The following GBF1 variants were observed in gnomAD, a reference collection of about 807,000 sequenced individuals.
GBF1 encodes the protein golgi brefeldin A resistant guanine nucleotide exchange factor 1.
A neutral mutation model predicts 210.5 loss-of-function variants in GBF1; 114 were observed. The observed-to-expected ratio is 0.54, with a 90% confidence interval of 0.47 to 0.63. GBF1 has a LOEUF of 0.63. GBF1 is among the 30% of genes least tolerant of loss of function. The probability of loss-of-function intolerance (pLI) is 0.00; values close to 1 mark genes in which losing one functional copy is unlikely to be tolerated. For synonymous variants in GBF1, 850 were observed against 889.2 expected, an observed-to-expected ratio of 0.96 and a Z score of 0.78; for missense variants, 1,851 against 2,357.7, an observed-to-expected ratio of 0.79 and a Z score of 4.45.
chr10:102,350,214 C>T (rs1162179743), intron 4 of GBF1, among the ~76,000 whole-genome samples: 1 of 151,812 alleles, frequency 6.6e-6, no homozygotes, highest in Non-Finnish European at 1.5e-5. Flanking sequence ...CCAGGCGTGG[C>T]GGCGCATGCC....
rs768424104 is a variant in GBF1, at chr10:102,376,710, A to C, written c.4198A>C (p.Ile1400Leu). 6.2e-7 allele frequency: 1 copy of C among 1,613,338 alleles called. No homozygotes were observed. Among genetic ancestry groups the C allele is most frequent in the African/African-American group, 1.3e-5 (1 of 75,022 alleles). ...LLKCVESLSFIVRDAAHITPD... is the reference protein window; with the variant it reads ...LLKCVESLSFLVRDAAHITPD... Reference sequence around the variant, plus strand: ...TAAGTGTGTGGAATCGCTGTCCTTCATTGTGCGTGATGCTGCCCACATCAC... The same window carrying C: ...TAAGTGTGTGGAATCGCTGTCCTTCCTTGTGCGTGATGCTGCCCACATCAC... Residue 1400 changes from isoleucine to leucine, a missense_variant, in exon 32 of 40, where the codon ATT becomes CTT. Physicochemically the swap from Ile to Leu is conservative, Grantham distance 5 (BLOSUM62 2). This residue lies in a region of GBF1 where 967 missense variants were observed against 1,247.7 expected (regional missense o/e 0.78). Coordinates refer to ENST00000369983, the MANE Select transcript of GBF1 (RefSeq NM_001377137.1).
rs1432069784 is a variant in GBF1 at position 102,322,350 on chromosome 10, T to C, written c.164-21701T>C. Reference sequence around the variant, plus strand: ...GGCCTCCCTAACCAGGAACATGTTATGGCTTCTCCATTTAGTCAAGACTTC... The same window carrying C: ...GGCCTCCCTAACCAGGAACATGTTACGGCTTCTCCATTTAGTCAAGACTTC... On this transcript the variant is annotated intron_variant, in intron 3 of 39. Transcript: ENST00000369983. Among the ~76,000 whole-genome samples the C allele has an allele frequency of 2.6e-5, 4 of 152,360 alleles. No individual in the cohort carries two copies. The East Asian group carries it at 5.8e-4, about 22-fold the overall frequency.
chr10:102,297,344 A>G (rs1286586406), intron 3 of GBF1, among the ~76,000 whole-genome samples: 1 of 152,228 alleles, frequency 6.6e-6, no homozygotes, highest in Admixed American at 6.5e-5. Context: ...CTGTACAGTT[A>G]TCACTAGACT....
chr10:102,240,546 T>C (rs951557645), upstream of GBF1, among the ~76,000 whole-genome samples: 2 of 152,200 alleles, frequency 1.3e-5, no homozygotes, highest in Non-Finnish European at 2.9e-5. Context: ...CGCTGCTGGG[T>C]AGACGGACAT....
chr10:102,321,601 G>A (rs925746423), intron 3 of GBF1, among the ~76,000 whole-genome samples: 8 of 152,126 alleles, frequency 5.3e-5, no homozygotes, highest in African/African-American at 1.7e-4. Context: ...ACGGAGTCTC[G>A]CTCTACTACC....
chr10:102,381,254 T>C lies in GBF1; in HGVS notation c.5301T>C (p.Cys1767=), dbSNP rs1226356810. 1.2e-6 allele frequency: 2 copies of C among 1,613,542 alleles called. No individual in the cohort carries two copies. Among genetic ancestry groups the C allele is most frequent in the Non-Finnish European group, 1.7e-6 (2 of 1,179,862 alleles). ...AGATTCCATCTGAGCTGGGGGCCTGTGGTGAGTCTCTCTAGCCTAGCCTGA... is the reference window on the plus strand; with the variant it reads ...AGATTCCATCTGAGCTGGGGGCCTGCGGTGAGTCTCTCTAGCCTAGCCTGA... The part of the protein sequence containing the change: ...PPEIPSELGA[C]DFEKPESPRA... Residue 1767 remains cysteine, a splice_region_variant and synonymous_variant, in exon 39 of 40, where the codon TGT becomes TGC. Transcript: ENST00000369983.
At chr10:102,361,147 G>A in intron 13 of GBF1, 27 bp downstream of exon 13, 2 of 1,209,072 alleles carry the variant, frequency 1.7e-6, no homozygotes, top group Admixed American at 1.7e-5. Context: ...GGAAAGAAAA[G>A]GGGGAAAAAA....
chr10:102,232,426 T>C, the GBF1 span, among the ~76,000 whole-genome samples: 2 of 152,202 alleles, frequency 1.3e-5, no homozygotes, highest in African/African-American at 4.8e-5. Context: ...CTCACGCCTG[T>C]AATCCCAGCA....
chr10:102,379,372 G>A lies in GBF1; in HGVS notation c.4583G>A (p.Gly1528Asp). Residue 1528 changes from glycine to aspartate, a missense_variant, in exon 34 of 40, where the codon GGC (glycine) becomes GAC (aspartate). By Grantham distance (94) the Gly-to-Asp change is moderately conservative. Coordinates refer to ENST00000369983, the MANE Select transcript of GBF1 (RefSeq NM_001377137.1). Reference protein sequence around the residue: ...AEEQRHLETGGQKIEADSRTL... With the variant: ...AEEQRHLETGDQKIEADSRTL... ...GAGCAACGCCACCTGGAGACAGGTG[G>A]CCAGAAGATTGAAGCTGATTCTCGC... 1 of 1,614,102 alleles carries A rather than the reference G, an allele frequency of 6.2e-7. No individual in the cohort carries two copies. Among genetic ancestry groups the A allele is most frequent in the Non-Finnish European group, 8.5e-7 (1 of 1,180,026 alleles).
intron 3 of GBF1, among the ~76,000 whole-genome samples, chr10:102,261,063 A>G (rs959194028): frequency 6.6e-6 from 1 of 152,128 alleles, no homozygotes; most frequent in African/African-American, 2.4e-5. Context: ...CTTTTTGTGA[A>G]AGAAGTTAAA....
chr10:102,355,797 CTCAA>C (rs1421044197), intron 8 of GBF1, among the ~76,000 whole-genome samples: 1 of 152,176 alleles, frequency 6.6e-6, no homozygotes, highest in African/African-American at 2.4e-5. Flanking sequence ...CTTTTGGGAG[CTCAA>C]TGATAACTGC....
chr10:102,232,988 A>G, the GBF1 span, among the ~76,000 whole-genome samples: 1 of 152,226 alleles, frequency 6.6e-6, no homozygotes, highest in African/African-American at 2.4e-5. Flanking sequence ...CTGCTGAGGA[A>G]ACCGTAACTT....
At chr10:102,299,746 T>G (rs1048381166) in intron 3 of GBF1, among the ~76,000 whole-genome samples, 12 of 152,160 alleles carry the variant, frequency 7.9e-5, no homozygotes, top group African/African-American at 2.9e-4. Flanking sequence ...ATCACGCTGT[T>G]GCACTCCAGC....
intron 26 of GBF1, 74 bp from the exon 27 acceptor site, chr10:102,370,099 TC>T (rs1320984832): frequency 1.3e-6 from 2 of 1,483,852 alleles, no homozygotes; most frequent in Non-Finnish European, 9.4e-7. Flanking sequence ...CTCTGCCCTC[TC>T]CCCCTGGCTC....
At chr10:102,314,728 A>G (rs1565098491) in intron 3 of GBF1, among the ~76,000 whole-genome samples, 1 of 152,214 alleles carries the variant, frequency 6.6e-6, no homozygotes, top group East Asian at 1.9e-4. Context: ...TAGCAGAAGC[A>G]TAATTTCTTT....
At chr10:102,295,350 A>T (rs553963169) in intron 3 of GBF1, among the ~76,000 whole-genome samples, 1 of 152,344 alleles carries the variant, frequency 6.6e-6, no homozygotes, top group African/African-American at 2.4e-5. Flanking sequence ...TTAACTCTGC[A>T]CATATCAAAC....
intron 3 of GBF1, among the ~76,000 whole-genome samples, chr10:102,266,139 T>C: frequency 6.6e-6 from 1 of 151,920 alleles, no homozygotes; most frequent in East Asian, 1.9e-4. Flanking sequence ...CTCGGGAGGC[T>C]GAGGCAGGAG....
chr10:102,274,501 C>T (rs2074737905), intron 3 of GBF1, among the ~76,000 whole-genome samples: 1 of 151,860 alleles, frequency 6.6e-6, no homozygotes, highest in Non-Finnish European at 1.5e-5. Context: ...TTTATATTGG[C>T]CTTTGATTAA....
At chr10:102,274,767 A>G (rs1355421059) in intron 3 of GBF1, among the ~76,000 whole-genome samples, 2 of 121,752 alleles carry the variant, frequency 1.6e-5, no homozygotes, top group Non-Finnish European at 3.1e-5. Flanking sequence ...GCTGGAGTAC[A>G]GTGGCGTGAT....
Sources: allele counts gnomAD v4.1 joint callset (sites outside exome capture counted in the v4.1 genomes callset), GRCh38; gene constraint gnomAD v4.1.1; regional missense constraint gnomAD v4.1.1; transcripts MANE v1.5; gene names NCBI Gene and HGNC (gene_info 2026-07-23, HGNC 2026-07-21).